The following DCC variants were observed in gnomAD, a reference collection of about 807,000 sequenced individuals.
DCC encodes DCC netrin 1 receptor, also known as netrin receptor DCC.
A neutral mutation model predicts 172.5 loss-of-function variants in DCC; 58 were observed. That is an observed-to-expected ratio of 0.34 (90% confidence interval 0.27 to 0.42). The LOEUF (loss-of-function observed/expected upper bound fraction) is 0.42. Among genes scored for constraint, DCC ranks in the 10% least tolerant of loss-of-function variants. DCC has a pLI of 1.00. For synonymous variants in DCC, 709 were observed against 644.5 expected, an observed-to-expected ratio of 1.10 and a Z score of -1.52; for missense variants, 1,740 against 1,791.0, an observed-to-expected ratio of 0.97 and a Z score of 0.51.
chr18:53,050,405 G>A (rs2042319121), intron 5 of DCC, among the ~76,000 whole-genome samples: 1 of 152,102 alleles, frequency 6.6e-6, no homozygotes, highest in Non-Finnish European at 1.5e-5. Context: ...TCCTATCCGT[G>A]ACCATGGAAT....
intron 5 of DCC, among the ~76,000 whole-genome samples, chr18:53,058,816 A>G (rs2042452745): frequency 6.6e-6 from 1 of 152,206 alleles, no homozygotes; most frequent in Admixed American, 6.6e-5. Context: ...AAGTCTTAAA[A>G]TAAATACCAC....
At position 53,091,808 on chromosome 18, in the gene DCC, CATAT is replaced by C. The variant is rs1568299156; in HGVS notation, c.1261+25645_1261+25648del. On this transcript the variant is annotated intron_variant, in intron 7 of 28. Coordinates refer to ENST00000442544, the MANE Select transcript of DCC (RefSeq NM_005215.4). ...CGTTCAGTCCATTGCATACACTGTA[CATAT>C]ATCTATCTATCTATCTATCTATCTA... Among the ~76,000 whole-genome samples the C allele has an allele frequency of 5.4e-4, 72 of 133,868 alleles. 1 individual carries two copies. Among genetic ancestry groups the C allele is most frequent in the African/African-American group, 1.9e-3 (69 of 36,016 alleles). 87.8% of individuals were successfully genotyped at this position (133,868 alleles called of 152,430 possible). A position where few individuals can be genotyped will look rare whatever the true frequency, so the allele number is the denominator to read the frequency against.
At chr18:52,645,209 G>C (rs568537183) in intron 1 of DCC, among the ~76,000 whole-genome samples, 1 of 152,224 alleles carries the variant, frequency 6.6e-6, no homozygotes, top group South Asian at 2.1e-4. Context: ...GAAAAACAGA[G>C]TATTATAACC....
intron 23 of DCC, among the ~76,000 whole-genome samples, chr18:53,452,443 CT>C (rs2045425886): frequency 6.6e-6 from 1 of 152,094 alleles, no homozygotes; most frequent in Non-Finnish European, 1.5e-5. Flanking sequence ...ACCTGATGAA[CT>C]GGATTCCTGG....
intron 12 of DCC, among the ~76,000 whole-genome samples, chr18:53,222,578 G>T (rs1206081947): frequency 2.0e-5 from 3 of 151,462 alleles, no homozygotes; most frequent in Admixed American, 6.6e-5. Context: ...AGTAGAGACG[G>T]GGTTTCACCA....
intron 15 of DCC, among the ~76,000 whole-genome samples, chr18:53,357,280 T>C (rs1424540713): frequency 1.3e-5 from 2 of 152,300 alleles, no homozygotes; most frequent in East Asian, 3.9e-4. Context: ...AAATTTAACC[T>C]GAGTGCTTTT....
rs544665905 is a variant in DCC at position 52,411,144 on chromosome 18, G to A, written c.91+70266G>A. On this transcript the variant is annotated intron_variant, in intron 1 of 28. Coordinates refer to ENST00000442544, the MANE Select transcript of DCC (RefSeq NM_005215.4). ...TAAACTTCCTGTGTAAGATCTTGAA[G>A]TTACTACGGTTTGCATGCAACATTC... 2.0e-5 allele frequency among the ~76,000 whole-genome samples: 3 copies of A among 152,180 alleles called. No individual in the cohort carries two copies. The South Asian group carries it at 6.2e-4, about 32-fold the overall frequency.
intron 1 of DCC, among the ~76,000 whole-genome samples, chr18:52,656,074 A>G (rs1841303): frequency 0.15 from 20,108 of 138,334 alleles, 1,647 homozygotes; most frequent in Non-Finnish European, 0.19. Flanking sequence ...ATATATGTGT[A>G]TATATATGTG....
intron 15 of DCC, among the ~76,000 whole-genome samples, chr18:53,358,993 G>T (rs2057914306): frequency 6.6e-6 from 1 of 152,152 alleles, no homozygotes; most frequent in African/African-American, 2.4e-5. Context: ...TCCTAGAAAT[G>T]TTGGGTGGAG....
chr18:52,772,453 A>T (rs148028297), intron 2 of DCC, among the ~76,000 whole-genome samples: 1,734 of 152,308 alleles, frequency 0.011, 31 homozygotes, highest in African/African-American at 0.04. Context: ...ATAAGTTTAG[A>T]GTTGAAAAAT....
intron 22 of DCC, among the ~76,000 whole-genome samples, chr18:53,439,075 T>G (rs1912114748): frequency 6.6e-6 from 1 of 152,234 alleles, no homozygotes; most frequent in Non-Finnish European, 1.5e-5. Flanking sequence ...TTTCAGGCTG[T>G]CTGGCTGATT....
chr18:53,305,001 C>T (rs2057182841), intron 12 of DCC, among the ~76,000 whole-genome samples: 1 of 152,172 alleles, frequency 6.6e-6, no homozygotes, highest in Admixed American at 6.5e-5. Context: ...AAATAAGTCT[C>T]ACGAGATCTG....
chr18:52,764,112 G>T (rs964553079), intron 2 of DCC, among the ~76,000 whole-genome samples: 24 of 152,150 alleles, frequency 1.6e-4, no homozygotes, highest in South Asian at 8.3e-4. Flanking sequence ...GATAGAAACT[G>T]GTATATTCAA....
intron 15 of DCC, among the ~76,000 whole-genome samples, chr18:53,355,790 AT>A (rs1402260368): frequency 2.6e-5 from 4 of 152,046 alleles, no homozygotes; most frequent in Non-Finnish European, 4.4e-5. Context: ...ACTCGTTCTT[AT>A]TTTTGTACCA....
At chr18:52,438,119 CA>C (rs1417145576) in intron 1 of DCC, among the ~76,000 whole-genome samples, 1 of 152,132 alleles carries the variant, frequency 6.6e-6, no homozygotes, top group African/African-American at 2.4e-5. Context: ...AAACAGATCC[CA>C]GGGGCCAGAG....
At position 53,526,735 on chromosome 18, in the gene DCC, C is replaced by T; in HGVS notation, c.4230C>T (p.His1410=). ...CCCCTGAAGTGTCTGAGGAGAGCCA[C>T]AAACCAACAGAGGATTCAGCCAATG... is the stretch of plus-strand genomic sequence containing the variant. ...PTAPEVSEES[H]KPTEDSANVY... is the part of the protein sequence containing the mutation. The change falls in exon 28 of 29, where the codon CAC becomes CAT. Residue 1410 remains histidine (H), a synonymous_variant. Transcript: ENST00000442544. 1 of 1,613,420 alleles carries T rather than the reference C, an allele frequency of 6.2e-7. No homozygotes were observed. Among genetic ancestry groups the T allele is most frequent in the Non-Finnish European group, 8.5e-7 (1 of 1,179,624 alleles).
chr18:53,432,453 A>G (rs1207089839), intron 21 of DCC, among the ~76,000 whole-genome samples: 1 of 152,182 alleles, frequency 6.6e-6, no homozygotes, highest in Non-Finnish European at 1.5e-5. Context: ...TAATAAAATG[A>G]CCTCTGGGAT....
intron 2 of DCC, among the ~76,000 whole-genome samples, chr18:52,781,746 G>A (rs2037548507): frequency 6.6e-6 from 1 of 152,008 alleles, no homozygotes; most frequent in Non-Finnish European, 1.5e-5. Context: ...TTTGTCTCTT[G>A]AAGGACAATA....
intron 5 of DCC, among the ~76,000 whole-genome samples, chr18:52,966,661 G>A (rs1286029825): frequency 6.6e-6 from 1 of 152,150 alleles, no homozygotes; most frequent in South Asian, 2.1e-4. Flanking sequence ...CCCTCCTTGA[G>A]TACAGCTATG....
Sources: allele counts gnomAD v4.1 joint callset (sites outside exome capture counted in the v4.1 genomes callset), GRCh38; gene constraint gnomAD v4.1.1; transcripts MANE v1.5; gene names NCBI Gene and HGNC (gene_info 2026-07-23, HGNC 2026-07-21).